Variants in GTPBP10 observed in about 807,000 individuals in gnomAD.
GTPBP10 encodes GTP-binding protein 10.
Under a neutral mutation model 44.8 loss-of-function variants are expected in GTPBP10, and 38 were observed. The observed-to-expected ratio is 0.85, with a 90% CI of 0.65 to 1.11. The LOEUF is 1.11. Ranked by LOEUF, GTPBP10 falls within the 50% of genes most tolerant of loss-of-function variation. The pLI is 0.00. For missense variants in GTPBP10, 462 were observed against 453.7 expected (o/e 1.02, Z -0.17); for synonymous variants, 152 against 150.6 (o/e 1.01, Z -0.07).
chr7:90,375,296 T>C (rs1796325096), intron 6 of GTPBP10, among the ~76,000 whole-genome samples: 1 of 152,028 alleles, frequency 6.6e-6, no homozygotes, highest in African/African-American at 2.4e-5. Context: ...GTACAATACA[T>C]ATAGTAAAGT....
chr7:90,378,111 CTCTT>C lies in GTPBP10; in HGVS notation c.700-20_700-17del, dbSNP rs750322459. 4 of 1,593,636 alleles carry C rather than the reference CTCTT, an allele frequency of 2.5e-6. No homozygotes were observed. Among genetic ancestry groups the C allele is most frequent in the Admixed American group, 3.4e-5 (2 of 59,548 alleles). Reference sequence around the variant, plus strand: ...CTATTCTTCGTATGTTAAAGGCTGTCTCTTTCCTTCTCTTTTTTTTAGGTTGATA... The same window carrying C: ...CTATTCTTCGTATGTTAAAGGCTGTCTCCTTCTCTTTTTTTTAGGTTGATA... On this transcript the variant is annotated intron_variant, in intron 7 of 9. Transcript: ENST00000222511.
chr7:90,382,628 T>G (rs1465935757), intron 8 of GTPBP10, among the ~76,000 whole-genome samples: 1 of 152,188 alleles, frequency 6.6e-6, no homozygotes, highest in Non-Finnish European at 1.5e-5. Flanking sequence ...CCTAAGTGCA[T>G]TTACTTTTTC....
chr7:90,359,439 G>A (rs1170872381), intron 4 of GTPBP10, among the ~76,000 whole-genome samples: 1 of 152,110 alleles, frequency 6.6e-6, no homozygotes, highest in Admixed American at 6.5e-5. Context: ...ATGGTTTCCA[G>A]CTTCATCCAT....
chr7:90,352,731 A>G (rs1795814255), intron 1 of GTPBP10, 85 bp from the exon 2 acceptor site: 1 of 1,045,412 alleles, frequency 9.6e-7, no homozygotes, highest in African/African-American at 1.6e-5. Flanking sequence ...TTTTAGAAGA[A>G]GTTTTAGTGG....
chr7:90,367,211 A>G lies in GTPBP10; in HGVS notation c.465-4944A>G, dbSNP rs143613415. 4.6e-5 allele frequency among the ~76,000 whole-genome samples: 7 copies of G among 152,218 alleles called. No individual in the cohort carries two copies. In the East Asian group the frequency reaches 1.2e-3, roughly 25 times the overall value. ...TGAGGAGTGTTTTACTTCTCATTAT[A>G]TGGTCAATTTTAGAATAAGTACGAT... On this transcript the variant is annotated intron_variant, in intron 4 of 9. Transcript: ENST00000222511.
chr7:90,372,986 T>C (rs532453097), intron 5 of GTPBP10, among the ~76,000 whole-genome samples: 1 of 152,290 alleles, frequency 6.6e-6, no homozygotes, highest in South Asian at 2.1e-4. Context: ...TGCTCTAGGC[T>C]TCCTTAAGGA....
rs1230465388 is a variant in GTPBP10 at position 90,387,601 on chromosome 7, T to G, written c.*2447T>G. The G allele has an allele frequency of 6.6e-6, 1 of 152,214 alleles. No homozygotes were observed. Among genetic ancestry groups the G allele is most frequent in the Non-Finnish European group, 1.5e-5 (1 of 68,044 alleles). The allele number at this position is 152,214 out of a possible 1,614,324, so 9.4% of individuals were successfully genotyped here. A position where few individuals can be genotyped will look rare whatever the true frequency, so the allele number is the denominator to read the frequency against. On this transcript the variant is annotated 3_prime_UTR_variant, in exon 10 of 10. Transcript: ENST00000222511. ...CTACCTCTCATTCCAGTCCCCAAAC[T>G]GGCTTTTCTTTTATTTCTTTTTTCT...
intron 6 of GTPBP10, among the ~76,000 whole-genome samples, chr7:90,376,076 A>T (rs553710516): frequency 1.0e-3 from 153 of 151,516 alleles, no homozygotes; most frequent in African/African-American, 3.5e-3. Context: ...AATACAAAAA[A>T]AAAAAAAAAT....
At chr7:90,375,733 T>C (rs1303650014) in intron 6 of GTPBP10, among the ~76,000 whole-genome samples, 1 of 151,906 alleles carries the variant, frequency 6.6e-6, no homozygotes, top group Non-Finnish European at 1.5e-5. Context: ...CCTGAATTAT[T>C]TATCTACACT....
chr7:90,379,533 C>G (rs996938819), intron 8 of GTPBP10, among the ~76,000 whole-genome samples: 3 of 152,198 alleles, frequency 2.0e-5, no homozygotes, highest in African/African-American at 7.2e-5. Flanking sequence ...TGTGATTTCT[C>G]TCTAAGACAA....
chr7:90,349,319 T>C (rs1301735519), intron 1 of GTPBP10, among the ~76,000 whole-genome samples: 1 of 152,220 alleles, frequency 6.6e-6, no homozygotes, highest in African/African-American at 2.4e-5. Context: ...TTAAAGGTCC[T>C]TGCGACCCCG....
chr7:90,380,309 C>G (rs17869736), intron 8 of GTPBP10, among the ~76,000 whole-genome samples: 2 of 152,114 alleles, frequency 1.3e-5, no homozygotes, highest in South Asian at 4.1e-4. Context: ...GAACTCCTGA[C>G]CTCAGGTGAT....
At chr7:90,372,343 T>G in intron 5 of GTPBP10, 115 bp downstream of exon 5, 1 of 716,718 alleles carries the variant, frequency 1.4e-6, no homozygotes, top group South Asian at 1.9e-5. Context: ...TGAAAAATTT[T>G]TGGCAGATAG....
chr7:90,361,807 A>C (rs530559291), intron 4 of GTPBP10, among the ~76,000 whole-genome samples: 2 of 152,054 alleles, frequency 1.3e-5, no homozygotes, highest in East Asian at 3.9e-4. Flanking sequence ...TCAATTTCAG[A>C]GCCTGTTATT....
chr7:90,377,406 G>A (rs565764407), intron 6 of GTPBP10, 101 bp from the exon 7 acceptor site: 2 of 677,082 alleles, frequency 3.0e-6, no homozygotes, highest in Non-Finnish European at 5.1e-6. Flanking sequence ...CATAAGTTAG[G>A]AACTGTTTAT....
At chr7:90,372,554 G>GTGA (rs1796279778) in intron 5 of GTPBP10, among the ~76,000 whole-genome samples, 1 of 146,268 alleles carries the variant, frequency 6.8e-6, no homozygotes, top group African/African-American at 2.6e-5. Flanking sequence ...CTAGGCTCAA[G>GTGA]TGATCTCCCA....
At chr7:90,383,578 A>T (rs549843717) in intron 9 of GTPBP10, 2 of 152,344 alleles carry the variant, frequency 1.3e-5, no homozygotes, top group African/African-American at 4.8e-5. Context: ...TTTCCTGTGT[A>T]TGTGTGACAC....
At chr7:90,374,005 G>C (rs1796303461) in intron 5 of GTPBP10, among the ~76,000 whole-genome samples, 2 of 152,008 alleles carry the variant, frequency 1.3e-5, no homozygotes, top group South Asian at 4.1e-4. Flanking sequence ...TGTCTGCCTA[G>C]TTTTACATTT....
chr7:90,381,938 C>G (rs2115770681), intron 8 of GTPBP10, among the ~76,000 whole-genome samples: 1 of 152,112 alleles, frequency 6.6e-6, no homozygotes, highest in East Asian at 1.9e-4. Flanking sequence ...AGACTTAAAG[C>G]CTGAAACCAT....
Sources: allele counts gnomAD v4.1 joint callset (sites outside exome capture counted in the v4.1 genomes callset), GRCh38; gene constraint gnomAD v4.1.1; transcripts MANE v1.5; gene names NCBI Gene and HGNC (gene_info 2026-07-23, HGNC 2026-07-21).